PCDH9: variants seen among roughly 807,000 people sequenced by gnomAD.
The protein encoded by PCDH9 is protocadherin 9.
In PCDH9, 24 loss-of-function variants were observed where a neutral mutation model predicts 70.6. The ratio of observed to expected loss-of-function variants is 0.34; its 90% CI spans 0.25 to 0.48. The LOEUF (loss-of-function observed/expected upper bound fraction) is 0.48. PCDH9 is among the 20% of genes least tolerant of loss of function. PCDH9 has a pLI of 0.99. For synonymous variants in PCDH9, 562 were observed against 558.5 expected (o/e 1.01, Z -0.09); for missense variants, 1,281 against 1,503.6 (o/e 0.85, Z 2.45).
intron 3 of PCDH9, among the ~76,000 whole-genome samples, chr13:66,707,308 T>C (rs2078724657): frequency 6.6e-6 from 1 of 152,196 alleles, no homozygotes; most frequent in African/African-American, 2.4e-5. Flanking sequence ...AAAATCTAAA[T>C]ATTTGTGCTG....
At chr13:66,669,003 GATTT>G (rs2078134889) in intron 3 of PCDH9, among the ~76,000 whole-genome samples, 1 of 152,072 alleles carries the variant, frequency 6.6e-6, no homozygotes. Flanking sequence ...CTAAATATGA[GATTT>G]ATTTAATCTT....
chr13:66,726,181 A>G (rs562699793), intron 3 of PCDH9, among the ~76,000 whole-genome samples: 8 of 152,284 alleles, frequency 5.3e-5, no homozygotes, highest in African/African-American at 1.9e-4. Flanking sequence ...CATTGGAAGG[A>G]ACTGGATAAT....
At chr13:67,015,057 CA>C (rs1305713431) in intron 2 of PCDH9, among the ~76,000 whole-genome samples, 21 of 152,092 alleles carry the variant, frequency 1.4e-4, no homozygotes, top group African/African-American at 4.8e-4. Context: ...ACGCATTTAA[CA>C]AGAGGATACT....
intron 4 of PCDH9, among the ~76,000 whole-genome samples, chr13:66,392,307 A>G (rs778862535): frequency 2.5e-4 from 38 of 152,240 alleles, no homozygotes; most frequent in Non-Finnish European, 4.7e-4. Flanking sequence ...TTAAATATTA[A>G]GTAGTAATTA....
chr13:66,662,846 T>C (rs2078032416), intron 3 of PCDH9, among the ~76,000 whole-genome samples: 1 of 152,194 alleles, frequency 6.6e-6, no homozygotes, highest in African/African-American at 2.4e-5. Context: ...TAAGTAAAAC[T>C]ATAAGAAAGT....
At position 66,746,094 on chromosome 13, in the gene PCDH9, A is replaced by T. The variant is rs377068862; in HGVS notation, c.3139-114683T>A. ...CATTTTTTAATTTCACTCTCTCTCC[A>T]TTCACTTGGCATTACCTGTATGTTG... On this transcript the variant is annotated intron_variant, in intron 3 of 4. Coordinates refer to ENST00000377865, the MANE Select transcript of PCDH9 (RefSeq NM_203487.3). Among the ~76,000 whole-genome samples, 47 of 152,256 alleles carry T rather than the reference A, an allele frequency of 3.1e-4. 1 individual carries two copies. The South Asian group carries it at 8.3e-3, about 27-fold the overall frequency.
chr13:67,049,840 C>T (rs557049052), intron 2 of PCDH9, among the ~76,000 whole-genome samples: 182 of 152,086 alleles, frequency 1.2e-3, no homozygotes, highest in Non-Finnish European at 1.9e-3. Context: ...ATACTTTTTT[C>T]TACTATGTTC....
Position 66,866,669 on chromosome 13 carries a change from C to T in PCDH9, c.3138+36835G>A, listed in dbSNP as rs1309017060. Among the ~76,000 whole-genome samples the T allele has an allele frequency of 8.6e-5, 13 of 151,938 alleles. No homozygotes were observed. The East Asian group carries it at 2.1e-3, about 25-fold the overall frequency. On this transcript the variant is annotated intron_variant, in intron 3 of 4. Transcript: ENST00000377865. ...AAAATTAGCCGGCCGTGGTGGCGAG[C>T]GCCTATAGTCCCAGCTACTCAGGAA...
At chr13:67,182,199 T>C (rs541813281) in intron 2 of PCDH9, among the ~76,000 whole-genome samples, 1 of 152,342 alleles carries the variant, frequency 6.6e-6, no homozygotes, top group African/African-American at 2.4e-5. Flanking sequence ...TCTATTTAGA[T>C]GCCTAGTAGA....
At chr13:67,168,373 G>A (rs2088180350) in intron 2 of PCDH9, among the ~76,000 whole-genome samples, 1 of 152,096 alleles carries the variant, frequency 6.6e-6, no homozygotes, top group African/African-American at 2.4e-5. Context: ...AAGAAATATG[G>A]AGAGTGAAAT....
chr13:66,994,347 C>A (rs1163755072), intron 2 of PCDH9, among the ~76,000 whole-genome samples: 2 of 152,190 alleles, frequency 1.3e-5, no homozygotes, highest in South Asian at 2.1e-4. Flanking sequence ...AAGCCGGACG[C>A]AGTAGCTCCC....
At position 66,559,833 on chromosome 13, in the gene PCDH9, T is replaced by TACACACACAC. The variant is rs56660850; in HGVS notation, c.3340+71367_3340+71376dup. Among the ~76,000 whole-genome samples the TACACACACAC allele has an allele frequency of 3.3e-4, 29 of 87,114 alleles. No individual in the cohort carries two copies. In the East Asian group the frequency reaches 8.9e-3, roughly 27 times the overall value. The allele number at this position is 87,114 out of a possible 152,430, so 57.2% of individuals were successfully genotyped here. ...AAAAAAAAAAATATATATATATATA[T>TACACACACAC]ACACACACACACACACACACACACA... On this transcript the variant is annotated intron_variant, in intron 4 of 4. Coordinates refer to ENST00000377865, the MANE Select transcript of PCDH9 (RefSeq NM_203487.3).
intron 2 of PCDH9, among the ~76,000 whole-genome samples, chr13:67,122,846 C>T (rs1240714052): frequency 2.6e-5 from 4 of 151,356 alleles, no homozygotes; most frequent in African/African-American, 9.7e-5. Context: ...TCATACCAAA[C>T]AGTTTTCCAG....
chr13:67,226,955 C>T lies in PCDH9; in HGVS notation c.1486G>A (p.Glu496Lys). The change falls in exon 2 of 5, where the codon GAA (glutamate) becomes AAA (lysine). Residue 496 changes from glutamate to lysine, a missense_variant. By Grantham distance (56) the Glu-to-Lys change is moderately conservative (BLOSUM62 1). Coordinates refer to ENST00000377865, the MANE Select transcript of PCDH9 (RefSeq NM_203487.3). The surrounding 1 kb of genome is among the most constrained non-coding windows in gnomAD (Gnocchi z 5.0). ...ATGTCTGCATTTTTCCCACTGTCTT[C>T]ATCTGTGGCACTAATAGTTGTTAAG... Reference protein sequence around the residue: ...LYLTTISATDEDSGKNADIVY... With the variant: ...LYLTTISATDKDSGKNADIVY... 2 of 1,614,194 alleles carry T rather than the reference C, an allele frequency of 1.2e-6. No individual in the cohort carries two copies. Among genetic ancestry groups the T allele is most frequent in the African/African-American group, 1.3e-5 (1 of 75,058 alleles).
intron 2 of PCDH9, among the ~76,000 whole-genome samples, chr13:67,137,963 A>G (rs565097493): frequency 3.3e-5 from 5 of 152,216 alleles, no homozygotes; most frequent in Admixed American, 3.3e-4. Context: ...ATCTGATTCC[A>G]GTCTTATTTT....
At chr13:66,988,798 A>G (rs1369287613) in intron 2 of PCDH9, among the ~76,000 whole-genome samples, 1 of 151,974 alleles carries the variant, frequency 6.6e-6, no homozygotes, top group African/African-American at 2.4e-5. Context: ...CAGCTTCTGA[A>G]TTCATAGGTA....
At chr13:67,180,207 T>C (rs2088579303) in intron 2 of PCDH9, among the ~76,000 whole-genome samples, 1 of 152,170 alleles carries the variant, frequency 6.6e-6, no homozygotes, top group East Asian at 1.9e-4. Flanking sequence ...ATCTCCTTAA[T>C]TATGTATATT....
chr13:66,807,787 C>G (rs188806258), intron 3 of PCDH9, among the ~76,000 whole-genome samples: 4 of 152,180 alleles, frequency 2.6e-5, no homozygotes, highest in Non-Finnish European at 5.9e-5. Context: ...AGTACAATGT[C>G]TTAATTGATA....
At position 66,304,557 on chromosome 13, in the gene PCDH9, A is replaced by G. The variant is rs944558147; in HGVS notation, c.*98T>C. The G allele has an allele frequency of 3.8e-5, 35 of 913,972 alleles. 1 individual carries two copies. In the African/African-American group the frequency reaches 5.3e-4, roughly 14 times the overall value. 56.6% of individuals were successfully genotyped at this position (913,972 alleles called of 1,614,324 possible). A position where few individuals can be genotyped will look rare whatever the true frequency, so the allele number is the denominator to read the frequency against. ...CAAAGTTATAGGTATCCCTGCTAGA[A>G]GGGGCATAGTTGTAGAGATCTATTG... On this transcript the variant is annotated 3_prime_UTR_variant, in exon 5 of 5. Transcript: ENST00000377865.
Sources: gnomAD v4.1 joint callset for allele counts (sites outside exome capture counted in the v4.1 genomes callset) on GRCh38, gnomAD v4.1.1 for gene constraint, Gnocchi (gnomAD v3.1) non-coding constraint, MANE v1.5 for transcripts, NCBI Gene and HGNC (gene_info 2026-07-23, HGNC 2026-07-21) for gene names.